SORCS3: variants seen among roughly 807,000 people sequenced by gnomAD.
SORCS3 encodes VPS10 domain-containing receptor SorCS3.
SORCS3 carries 57 observed loss-of-function variants against 146.3 expected under a neutral mutation model. The ratio of observed to expected loss-of-function variants is 0.39; its 90% CI spans 0.31 to 0.49. The LOEUF (loss-of-function observed/expected upper bound fraction) is 0.49. Ranked by LOEUF, SORCS3 falls within the 20% of genes least tolerant of loss-of-function variation. The pLI, the probability that SORCS3 is intolerant of heterozygous loss-of-function variation, is 0.92. For missense variants in SORCS3, 1,341 were observed against 1,575.5 expected, an observed-to-expected ratio of 0.85 and a Z score of 2.52; for synonymous variants, 653 against 618.5, an observed-to-expected ratio of 1.06 and a Z score of -0.83.
chr10:104,752,242 G>A (rs558048207), intron 1 of SORCS3, among the ~76,000 whole-genome samples: 77 of 151,726 alleles, frequency 5.1e-4, no homozygotes, highest in Non-Finnish European at 8.5e-4. Context: ...CACCACGTTG[G>A]CCAGGCTGGT....
At chr10:104,912,745 C>G (rs933430306) in intron 2 of SORCS3, among the ~76,000 whole-genome samples, 1 of 152,164 alleles carries the variant, frequency 6.6e-6, no homozygotes, top group African/African-American at 2.4e-5. Context: ...AAACATGGTT[C>G]TAGTCTTCAA....
chr10:105,069,317 C>G lies in SORCS3; in HGVS notation c.1029-20458C>G, dbSNP rs145863918. ...TTATCTTGTAAAGTTCTGCTCAAAA[C>G]TTTTGAAACTCCCTGAACCCTCTCT... On this transcript the variant is annotated intron_variant, in intron 5 of 26. Coordinates refer to ENST00000369701, the MANE Select transcript of SORCS3 (RefSeq NM_014978.3). Among the ~76,000 whole-genome samples, 578 of 152,302 alleles carry G rather than the reference C, an allele frequency of 3.8e-3. 3 individuals are homozygous for G. The highest frequency in any genetic ancestry group is 0.017 in the Middle Eastern group (5 of 294).
intron 1 of SORCS3, among the ~76,000 whole-genome samples, chr10:104,644,843 T>C (rs1564649937): frequency 1.3e-5 from 2 of 152,240 alleles, no homozygotes; most frequent in African/African-American, 4.8e-5. Context: ...GGGAGCGTTT[T>C]CAGTAACCCT....
chr10:104,804,016 T>C (rs2017654544), intron 1 of SORCS3, among the ~76,000 whole-genome samples: 1 of 152,358 alleles, frequency 6.6e-6, no homozygotes, highest in African/African-American at 2.4e-5. Flanking sequence ...TTTTGGGGTT[T>C]CTATTCACAA....
In SORCS3 at chr10:105,263,314, CATTGCCACT is replaced by C. The variant is rs1447141645; in HGVS notation, c.3615_3623del (p.Thr1206_Ala1208del). On this transcript the variant is annotated inframe_deletion, in exon 27 of 27. Transcript: ENST00000369701. The stretch of plus-strand genomic sequence containing the variant: ...TGTGTCTTCTCTTCTCTGCAGGAGG[CATTGCCACT>C]ATTGCAAACAGCGAAAGCACAAAGG... 1 of 1,613,888 alleles carries C rather than the reference CATTGCCACT, an allele frequency of 6.2e-7. No homozygotes were observed. The highest frequency in any genetic ancestry group is 1.3e-5 in the African/African-American group (1 of 74,922).
At position 104,700,665 on chromosome 10, in the gene SORCS3, T is replaced by C. The variant is rs188134694; in HGVS notation, c.627+58711T>C. Among the ~76,000 whole-genome samples the C allele has an allele frequency of 3.9e-3, 546 of 140,052 alleles. 4 individuals carry two copies. The highest frequency in any genetic ancestry group is 0.021 in the Middle Eastern group (6 of 284). The allele number at this position is 140,052 out of a possible 152,430, so 91.9% of individuals were successfully genotyped here. ...GACATGGGCCAGACTAAAGTGGGGG[T>C]GGGTAGGGAGGGAGAGATCAAAGTG... On this transcript the variant is annotated intron_variant, in intron 1 of 26. Transcript: ENST00000369701.
At chr10:104,894,006 G>T (rs2018774578) in intron 2 of SORCS3, among the ~76,000 whole-genome samples, 1 of 152,008 alleles carries the variant, frequency 6.6e-6, no homozygotes, top group African/African-American at 2.4e-5. Flanking sequence ...CTTCTTCCTG[G>T]CTTGCCCAGG....
intron 3 of SORCS3, among the ~76,000 whole-genome samples, chr10:104,959,483 T>A (rs1367591581): frequency 1.3e-5 from 2 of 152,122 alleles, no homozygotes; most frequent in Admixed American, 1.3e-4. Flanking sequence ...TCTCATCAGA[T>A]GCTGAATCTG....
chr10:105,096,623 G>C (rs763249593), intron 6 of SORCS3, among the ~76,000 whole-genome samples: 1 of 152,124 alleles, frequency 6.6e-6, no homozygotes, highest in Admixed American at 6.5e-5. Context: ...AGGAGTGACC[G>C]AAGGCTGCAC....
At chr10:104,690,428 C>T (rs1384372629) in intron 1 of SORCS3, among the ~76,000 whole-genome samples, 1 of 152,158 alleles carries the variant, frequency 6.6e-6, no homozygotes, top group Non-Finnish European at 1.5e-5. Context: ...CTCAGAGTCC[C>T]ATACTTTACA....
chr10:105,091,237 CTCCTTCCTTCCTTCCCTCCT>C (rs2055701380), intron 6 of SORCS3, among the ~76,000 whole-genome samples: 2 of 90,206 alleles, frequency 2.2e-5, no homozygotes, highest in South Asian at 4.3e-4. Context: ...CCTTCCTTCC[CTCCTTCCTTCCTTCCCTCCT>C]TCCTTCCTTC....
chr10:104,864,049 G>A (rs890223937), intron 2 of SORCS3, among the ~76,000 whole-genome samples: 1 of 152,140 alleles, frequency 6.6e-6, no homozygotes, highest in Non-Finnish European at 1.5e-5. Context: ...ATATTGAATA[G>A]CTACTGTGTG....
At chr10:105,127,111 A>G (rs2055981392) in intron 7 of SORCS3, among the ~76,000 whole-genome samples, 1 of 152,142 alleles carries the variant, frequency 6.6e-6, no homozygotes, top group Non-Finnish European at 1.5e-5. Context: ...AAACATGATT[A>G]ACGTTCAAGG....
intron 20 of SORCS3, among the ~76,000 whole-genome samples, chr10:105,242,885 T>C (rs1460295592): frequency 1.8e-5 from 2 of 108,324 alleles, no homozygotes; most frequent in East Asian, 2.5e-4. Flanking sequence ...ATAAATTATA[T>C]ATAATATATG....
chr10:105,064,131 G>A (rs189711736), intron 5 of SORCS3, among the ~76,000 whole-genome samples: 19 of 152,350 alleles, frequency 1.2e-4, no homozygotes, highest in Non-Finnish European at 2.6e-4. Flanking sequence ...AACAGACACC[G>A]TCTCTGCCCT....
At chr10:104,821,400 C>A (rs949806206) in intron 1 of SORCS3, among the ~76,000 whole-genome samples, 5 of 152,130 alleles carry the variant, frequency 3.3e-5, no homozygotes, top group Non-Finnish European at 7.4e-5. Flanking sequence ...TGGAAGCTGG[C>A]AGGCAGAGAA....
At position 104,849,707 on chromosome 10, in the gene SORCS3, A is replaced by G. The variant is rs576499303; in HGVS notation, c.695+6848A>G. 8.1e-4 allele frequency among the ~76,000 whole-genome samples: 124 copies of G among 152,324 alleles called. 1 individual carries two copies. Among genetic ancestry groups the G allele is most frequent in the Admixed American group, 2.0e-3 (31 of 15,300 alleles). ...TCAGTGAAATAATGCATGGAATGCA[A>G]AAGTTGTCAATGTAATCAGTATTTA... On this transcript the variant is annotated intron_variant, in intron 2 of 26. Transcript: ENST00000369701.
At chr10:104,899,733 C>T (rs2018832171) in intron 2 of SORCS3, among the ~76,000 whole-genome samples, 1 of 152,152 alleles carries the variant, frequency 6.6e-6, no homozygotes, top group South Asian at 2.1e-4. Context: ...TTCTTTTATC[C>T]ATCAGATATC....
chr10:104,757,405 C>T (rs1490215365), intron 1 of SORCS3, among the ~76,000 whole-genome samples: 1 of 152,218 alleles, frequency 6.6e-6, no homozygotes, highest in African/African-American at 2.4e-5. Context: ...ATCTCATTTG[C>T]AAAGCTCTCC....
Sources: gnomAD v4.1 joint callset for allele counts (sites outside exome capture counted in the v4.1 genomes callset) on GRCh38, gnomAD v4.1.1 for gene constraint, MANE v1.5 for transcripts, NCBI Gene and HGNC (gene_info 2026-07-23, HGNC 2026-07-21) for gene names.